Variants in TNNI3K observed in about 807,000 individuals in gnomAD.
TNNI3K encodes the protein serine/threonine-protein kinase TNNI3K.
A neutral mutation model predicts 114.5 loss-of-function variants in TNNI3K; 140 were observed. The observed-to-expected ratio is 1.22, with a 90% confidence interval of 1.07 to 1.41. The LOEUF (loss-of-function observed/expected upper bound fraction) is 1.41, where lower values mean the gene tolerates loss of function less well. Among genes scored for constraint, TNNI3K ranks in the 40% most tolerant of loss-of-function variants. The pLI is 0.00. For missense variants in TNNI3K, 1,125 were observed against 1,007.6 expected (o/e 1.12, Z -1.58); for synonymous variants, 347 against 347.5 (o/e 1.00, Z 0.02).
intron 17 of TNNI3K, chr1:74,378,641 T>TATAAAATATATATATA (rs1663044515): frequency 1.6e-5 from 2 of 123,280 alleles, no homozygotes; most frequent in African/African-American, 6.1e-5. Context: ...TATATATATA[T>TATAAAATATATATATA]TTCATTTCAT....
At chr1:74,537,614 T>G (rs1646675557) in intron 23 of TNNI3K, among the ~76,000 whole-genome samples, 1 of 152,230 alleles carries the variant, frequency 6.6e-6, no homozygotes, top group Non-Finnish European at 1.5e-5. Flanking sequence ...TGCAGAGTAC[T>G]GGCTAACCCC....
At chr1:74,272,921 C>T (rs1010105553) in intron 5 of TNNI3K, among the ~76,000 whole-genome samples, 4 of 151,910 alleles carry the variant, frequency 2.6e-5, no homozygotes, top group African/African-American at 9.7e-5. Context: ...GATTGTCACA[C>T]TCTATCAATT....
At chr1:74,490,895 A>T (rs1445620983) in intron 22 of TNNI3K, among the ~76,000 whole-genome samples, 1 of 152,228 alleles carries the variant, frequency 6.6e-6, no homozygotes, top group Non-Finnish European at 1.5e-5. Flanking sequence ...CCAAAGAAAA[A>T]ATAATAAAAG....
At chr1:74,288,294 T>C (rs1016745452) in intron 5 of TNNI3K, among the ~76,000 whole-genome samples, 3 of 152,112 alleles carry the variant, frequency 2.0e-5, no homozygotes, top group African/African-American at 7.2e-5. Flanking sequence ...ATTCTATTGC[T>C]CTCTCATTCG....
chr1:74,378,353 C>T (rs1220800329), intron 17 of TNNI3K, among the ~76,000 whole-genome samples: 2 of 151,194 alleles, frequency 1.3e-5, no homozygotes, highest in Non-Finnish European at 2.9e-5. Flanking sequence ...CGATAGAGTC[C>T]ATAACGTATA....
chr1:74,250,622 C>A (rs778408835), intron 3 of TNNI3K, 50 bp from the exon 4 acceptor site: 1 of 1,557,498 alleles, frequency 6.4e-7, no homozygotes, highest in Non-Finnish European at 8.7e-7. Flanking sequence ...GAGTCTCAAA[C>A]TCACCCCATC....
chr1:74,448,260 T>TAAAAAAA (rs71588834), intron 20 of TNNI3K, among the ~76,000 whole-genome samples: 36 of 89,088 alleles, frequency 4.0e-4, no homozygotes, highest in Non-Finnish European at 6.2e-4. Flanking sequence ...TAGAGTATAA[T>TAAAAAAA]AAAAAAAAAA....
chr1:74,471,475 TTTTG>T (rs1667929967), intron 21 of TNNI3K: 1 of 400,558 alleles, frequency 2.5e-6, no homozygotes, highest in Admixed American at 4.4e-5. Context: ...TAATTTTAAG[TTTTG>T]TCCTTTAATT....
chr1:74,385,930 A>G (rs1480059646), intron 17 of TNNI3K, among the ~76,000 whole-genome samples: 4 of 152,102 alleles, frequency 2.6e-5, no homozygotes, highest in Non-Finnish European at 4.4e-5. Flanking sequence ...CTCAAATCTC[A>G]TCTTGAATTA....
At chr1:74,344,725 CA>C (rs1197169699) in intron 9 of TNNI3K, among the ~76,000 whole-genome samples, 3 of 152,146 alleles carry the variant, frequency 2.0e-5, no homozygotes, top group African/African-American at 7.2e-5. Context: ...CTGTCACCTC[CA>C]AAAGATTGTT....
At chr1:74,248,174 G>A (rs1277601349) in intron 2 of TNNI3K, among the ~76,000 whole-genome samples, 2 of 152,004 alleles carry the variant, frequency 1.3e-5, no homozygotes, top group Non-Finnish European at 2.9e-5. Flanking sequence ...CACTGCCCAG[G>A]GCTGGTGGCA....
chr1:74,462,291 GAGTAGAGGTAGT>G (rs1321721499), intron 20 of TNNI3K, among the ~76,000 whole-genome samples: 2 of 152,214 alleles, frequency 1.3e-5, no homozygotes, highest in Non-Finnish European at 2.9e-5. Flanking sequence ...AATTTTGGTA[GAGTAGAGGTAGT>G]AGTTGTGGCT....
At chr1:74,319,278 A>G (rs1303015522) in intron 5 of TNNI3K, among the ~76,000 whole-genome samples, 7 of 152,216 alleles carry the variant, frequency 4.6e-5, no homozygotes, top group African/African-American at 1.7e-4. Context: ...AGTTCACAAC[A>G]AGGCACCTGA....
intron 17 of TNNI3K, among the ~76,000 whole-genome samples, chr1:74,399,166 A>C (rs1159613130): frequency 1.3e-5 from 2 of 151,068 alleles, no homozygotes; most frequent in Non-Finnish European, 3.0e-5. Context: ...TAAAAAAAAA[A>C]AAAAAAAAAA....
At position 74,334,802 on chromosome 1, in the gene TNNI3K, C is replaced by T. The variant is rs75949113; in HGVS notation, c.544-1209C>T. ...TGAAAATCAAGAATCAAGTCAACTA[C>T]CACTGGCTCTGGCCAGAAGGAGACT... On this transcript the variant is annotated intron_variant, in intron 6 of 24. Transcript: ENST00000326637. Among the ~76,000 whole-genome samples, 97 of 152,274 alleles carry T rather than the reference C, an allele frequency of 6.4e-4. 1 individual carries two copies. The East Asian group carries it at 0.017, about 27-fold the overall frequency.
At chr1:74,289,243 A>G (rs1657518466) in intron 5 of TNNI3K, among the ~76,000 whole-genome samples, 1 of 151,968 alleles carries the variant, frequency 6.6e-6, no homozygotes, top group Non-Finnish European at 1.5e-5. Flanking sequence ...TAAAAAATGG[A>G]TATATGCTGT....
At chr1:74,352,742 T>C (rs1479646873) in intron 9 of TNNI3K, among the ~76,000 whole-genome samples, 1 of 152,150 alleles carries the variant, frequency 6.6e-6, no homozygotes, top group Non-Finnish European at 1.5e-5. Context: ...TGAGCGAGGC[T>C]CCGTGGGCAT....
intron 2 of TNNI3K, among the ~76,000 whole-genome samples, chr1:74,247,992 CG>C (rs913523668): frequency 4.1e-5 from 6 of 144,906 alleles, no homozygotes; most frequent in Non-Finnish European, 7.5e-5. Flanking sequence ...TGGGAGCCCA[CG>C]GGGGTAGGGG....
At chr1:74,421,015 C>T (rs1665368894) in intron 17 of TNNI3K, among the ~76,000 whole-genome samples, 1 of 152,090 alleles carries the variant, frequency 6.6e-6, no homozygotes, top group African/African-American at 2.4e-5. Flanking sequence ...CTCCCACATG[C>T]TTAGCGTTCC....
Sources: gnomAD v4.1 joint callset for allele counts (sites outside exome capture counted in the v4.1 genomes callset) on GRCh38, gnomAD v4.1.1 for gene constraint, MANE v1.5 for transcripts, NCBI Gene and HGNC (gene_info 2026-07-23, HGNC 2026-07-21) for gene names.